GLIS3: variants seen among roughly 807,000 people sequenced by gnomAD.
GLIS3 encodes GLIS family zinc finger 3, also known as zinc finger protein GLIS3.
GLIS3 carries 53 observed loss-of-function variants against 78.6 expected under a neutral mutation model. The ratio of observed to expected loss-of-function variants is 0.67; its 90% CI spans 0.54 to 0.85. The LOEUF is 0.85. Among genes scored for constraint, GLIS3 ranks in the 40% least tolerant of loss-of-function variants. GLIS3 has a pLI of 0.00. For missense variants in GLIS3, 1,703 were observed against 1,231.1 expected (o/e 1.38, Z -5.74); for synonymous variants, 684 against 509.9 (o/e 1.34, Z -4.60).
intron 4 of GLIS3, among the ~76,000 whole-genome samples, chr9:3,964,439 G>A (rs1337465505): frequency 2.6e-5 from 4 of 152,168 alleles, no homozygotes; most frequent in East Asian, 1.9e-4. Context: ...AGGAACAAAT[G>A]AAGAGAATTC....
At chr9:4,254,149 A>G (rs1279664495) in intron 2 of GLIS3, among the ~76,000 whole-genome samples, 2 of 152,222 alleles carry the variant, frequency 1.3e-5, no homozygotes, top group African/African-American at 4.8e-5. Flanking sequence ...TTTATTTAAT[A>G]TTTACTGCAT....
chr9:3,856,332 C>A (rs1391072103), intron 8 of GLIS3, 148 bp from the exon 9 acceptor site: 2 of 716,716 alleles, frequency 2.8e-6, no homozygotes, highest in East Asian at 5.4e-5. Context: ...CAGGATTTTT[C>A]TCTACCCTCT....
the GLIS3 span, among the ~76,000 whole-genome samples, chr9:4,462,724 T>A: frequency 5.3e-5 from 8 of 151,908 alleles, no homozygotes; most frequent in Non-Finnish European, 1.2e-4. Flanking sequence ...GAAGGAAGAT[T>A]GCTTCAACCC....
intron 4 of GLIS3, among the ~76,000 whole-genome samples, chr9:3,948,518 A>C (rs1816449616): frequency 6.6e-6 from 1 of 152,204 alleles, no homozygotes; most frequent in African/African-American, 2.4e-5. Flanking sequence ...ACCTTGGCTC[A>C]GAATTGTAAC....
At chr9:4,232,867 G>A (rs1198836704) in intron 2 of GLIS3, among the ~76,000 whole-genome samples, 1 of 152,132 alleles carries the variant, frequency 6.6e-6, no homozygotes, top group East Asian at 1.9e-4. Flanking sequence ...AAAATACCCA[G>A]GGAACTTTGA....
chr9:4,039,772 G>C (rs910336825), intron 4 of GLIS3, among the ~76,000 whole-genome samples: 2 of 152,208 alleles, frequency 1.3e-5, no homozygotes, highest in Non-Finnish European at 2.9e-5. Context: ...GAGATGTTGA[G>C]TGTTTTTCAA....
At chr9:3,907,781 T>G (rs1449740704) in intron 6 of GLIS3, among the ~76,000 whole-genome samples, 5 of 152,270 alleles carry the variant, frequency 3.3e-5, no homozygotes, top group Non-Finnish European at 7.4e-5. Flanking sequence ...TTTTTCCCCT[T>G]TCCCCATCCT....
At chr9:4,458,016 C>T in the GLIS3 span, among the ~76,000 whole-genome samples, 1 of 152,046 alleles carries the variant, frequency 6.6e-6, no homozygotes, top group East Asian at 1.9e-4. Flanking sequence ...ACACAAAGCC[C>T]CATTAACTCC....
chr9:4,475,373 T>C, the GLIS3 span, among the ~76,000 whole-genome samples: 1 of 152,208 alleles, frequency 6.6e-6, no homozygotes, highest in East Asian at 1.9e-4. Flanking sequence ...GGGTTGTTTT[T>C]CATTTCATTT....
intron 9 of GLIS3, among the ~76,000 whole-genome samples, chr9:3,849,320 C>T (rs1330613748): frequency 1.3e-5 from 2 of 152,168 alleles, no homozygotes; most frequent in Non-Finnish European, 2.9e-5. Flanking sequence ...TGTGCCTATC[C>T]AGTAAAAACT....
At chr9:4,057,650 G>C (rs1321520546) in intron 4 of GLIS3, among the ~76,000 whole-genome samples, 1 of 151,214 alleles carries the variant, frequency 6.6e-6, no homozygotes, top group Admixed American at 6.6e-5. Context: ...AATTGAAGAA[G>C]AAATAAAAAA....
At chr9:4,198,112 C>A (rs754638804) in intron 2 of GLIS3, among the ~76,000 whole-genome samples, 2 of 152,126 alleles carry the variant, frequency 1.3e-5, no homozygotes, top group Non-Finnish European at 2.9e-5. Flanking sequence ...TGTAGTAACG[C>A]CACCAAAGAA....
intron 9 of GLIS3, among the ~76,000 whole-genome samples, chr9:3,855,112 AAGCCTGTGAC>A (rs2130228245): frequency 6.6e-6 from 1 of 152,296 alleles, no homozygotes; most frequent in East Asian, 1.9e-4. Context: ...TAGGAAGTAA[AAGCCTGTGAC>A]AGTTCAAATC....
rs114268427 is a variant in GLIS3 at position 3,972,956 on chromosome 9, C to A, written c.1711-35767G>T. Reference sequence around the variant, plus strand: ...TTAAGCAAACTGCAAAGTTTGAGGGCAAATTCCTCCACATTTCTGACACCA... The same window carrying A: ...TTAAGCAAACTGCAAAGTTTGAGGGAAAATTCCTCCACATTTCTGACACCA... On this transcript the variant is annotated intron_variant, in intron 4 of 10. Transcript: ENST00000381971. 9.3e-3 allele frequency among the ~76,000 whole-genome samples: 1,408 copies of A among 152,208 alleles called. 26 individuals carry two copies. Among genetic ancestry groups the A allele is most frequent in the African/African-American group, 0.032 (1,349 of 41,522 alleles).
chr9:4,065,991 T>C (rs1827061361), intron 4 of GLIS3, among the ~76,000 whole-genome samples: 1 of 147,172 alleles, frequency 6.8e-6, no homozygotes, highest in African/African-American at 2.5e-5. Flanking sequence ...ACCATAAATA[T>C]ATCGCTCTGC....
intron 4 of GLIS3, among the ~76,000 whole-genome samples, chr9:4,050,419 G>A (rs376920544): frequency 3.7e-4 from 57 of 152,182 alleles, no homozygotes; most frequent in Middle Eastern, 3.4e-3. Flanking sequence ...TACACAGGGC[G>A]GGGAACATCA....
At chr9:4,165,372 C>A (rs543613605) in intron 2 of GLIS3, among the ~76,000 whole-genome samples, 77 of 152,242 alleles carry the variant, frequency 5.1e-4, no homozygotes, top group African/African-American at 1.8e-3. Context: ...GCCCAGGAGG[C>A]GGAGGTTGCA....
chr9:4,454,847 A>T, the GLIS3 span, among the ~76,000 whole-genome samples: 1 of 152,170 alleles, frequency 6.6e-6, no homozygotes, highest in Non-Finnish European at 1.5e-5. Flanking sequence ...GAAGTAGGGG[A>T]TCTCACAAAT....
chr9:4,153,731 T>G (rs1834852525), intron 2 of GLIS3, among the ~76,000 whole-genome samples: 1 of 152,220 alleles, frequency 6.6e-6, no homozygotes, highest in Non-Finnish European at 1.5e-5. Context: ...GGTCAACAGT[T>G]TATTATAGTT....
Sources: gnomAD v4.1 joint callset for allele counts (sites outside exome capture counted in the v4.1 genomes callset) on GRCh38, gnomAD v4.1.1 for gene constraint, MANE v1.5 for transcripts, NCBI Gene and HGNC (gene_info 2026-07-23, HGNC 2026-07-21) for gene names.